The following TENM4 variants were observed in gnomAD, a reference collection of about 807,000 sequenced individuals.
TENM4 encodes teneurin-4.
A neutral mutation model predicts 243.3 loss-of-function variants in TENM4; 82 were observed. The observed-to-expected ratio is 0.34, with a 90% CI of 0.28 to 0.40. The LOEUF is 0.40. TENM4 is among the 10% of genes least tolerant of loss of function. The pLI is 1.00. For synonymous variants in TENM4, 1,412 were observed against 1,456.3 expected (o/e 0.97, Z 0.69); for missense variants, 3,138 against 3,673.3 (o/e 0.85, Z 3.77).
chr11:79,041,777 C>G (rs919254362), intron 6 of TENM4, among the ~76,000 whole-genome samples: 2 of 152,156 alleles, frequency 1.3e-5, no homozygotes, highest in Non-Finnish European at 2.9e-5. Flanking sequence ...AATGAAAGTA[C>G]TATTTATGTT....
chr11:79,117,615 C>T (rs1230716202), intron 4 of TENM4, among the ~76,000 whole-genome samples: 1 of 152,190 alleles, frequency 6.6e-6, no homozygotes, highest in Non-Finnish European at 1.5e-5. Flanking sequence ...AAATGATGTT[C>T]AAGCCAGTTC....
Position 78,903,393 on chromosome 11 carries a change from C to G in TENM4, c.624G>C (p.Arg208Ser). The G allele has an allele frequency of 6.5e-7, 1 of 1,535,192 alleles. No homozygotes were observed. The highest frequency in any genetic ancestry group is 8.8e-7 in the Non-Finnish European group (1 of 1,138,792). ...NSLNRGNFTP[R>S]SNPSPAPTDH... ...CCGTGGGGGCCGGGCTGGGGTTGCT[C>G]CTCGGCGTGAAGTTGCCCCGGTTCA... Residue 208 changes from arginine to serine, a missense_variant, in exon 7 of 34, where the codon AGG becomes AGC. Transcript: ENST00000278550.
intron 3 of TENM4, among the ~76,000 whole-genome samples, chr11:79,152,073 A>G (rs911344863): frequency 6.6e-6 from 1 of 152,164 alleles, no homozygotes; most frequent in Admixed American, 6.5e-5. Flanking sequence ...CGTGCTAAAT[A>G]AACATAAAAT....
At chr11:79,231,012 A>G (rs1403880878) in intron 2 of TENM4, among the ~76,000 whole-genome samples, 1 of 152,192 alleles carries the variant, frequency 6.6e-6, no homozygotes, top group East Asian at 1.9e-4. Context: ...TTACCTGGGG[A>G]AACCCACTTC....
At chr11:78,781,546 C>G (rs146322068) in intron 16 of TENM4, among the ~76,000 whole-genome samples, 38 of 152,302 alleles carry the variant, frequency 2.5e-4, no homozygotes, top group African/African-American at 8.7e-4. Flanking sequence ...CTTTCCTTGA[C>G]TTGCCTCTAC....
intron 3 of TENM4, among the ~76,000 whole-genome samples, chr11:79,196,141 A>G (rs898134909): frequency 1.3e-5 from 2 of 152,118 alleles, no homozygotes; most frequent in African/African-American, 2.4e-5. Context: ...ATGTGGAACT[A>G]TAAGTCCTGT....
chr11:78,958,980 G>A (rs181427100), intron 6 of TENM4, among the ~76,000 whole-genome samples: 2 of 152,314 alleles, frequency 1.3e-5, no homozygotes, highest in East Asian at 3.9e-4. Flanking sequence ...AACCTTGGAA[G>A]GTTTTCTCCC....
chr11:79,085,252 C>T (rs554109523), intron 4 of TENM4, among the ~76,000 whole-genome samples: 1 of 151,726 alleles, frequency 6.6e-6, no homozygotes, highest in Admixed American at 6.6e-5. Context: ...TGGCGGGCAC[C>T]TGTAGTTCCA....
In TENM4 at chr11:78,657,380, T is replaced by C. The variant is rs1857922097; in HGVS notation, c.*678A>G. The stretch of plus-strand genomic sequence containing the variant: ...AGGATTTGCAAAAGTGGTAGGGGGT[T>C]TCATTCAGCATCAAAATAGAAAGCT... On this transcript the variant is annotated 3_prime_UTR_variant, in exon 34 of 34. Transcript: ENST00000278550. 2.5e-6 allele frequency: 1 copy of C among 396,862 alleles called. No individual in the cohort carries two copies. Among genetic ancestry groups the C allele is most frequent in the Non-Finnish European group, 4.4e-6 (1 of 225,694 alleles). 24.6% of individuals were successfully genotyped at this position (396,862 alleles called of 1,614,324 possible).
intron 12 of TENM4, among the ~76,000 whole-genome samples, chr11:78,822,753 AAAC>A (rs1453308306): frequency 6.6e-6 from 1 of 152,216 alleles, no homozygotes; most frequent in Non-Finnish European, 1.5e-5. Context: ...AAAAAAAGAA[AAAC>A]AATAGACAAG....
chr11:78,785,506 C>T (rs1031033184), intron 16 of TENM4, among the ~76,000 whole-genome samples: 4 of 152,132 alleles, frequency 2.6e-5, no homozygotes, highest in African/African-American at 7.2e-5. Context: ...TGTCAAATTC[C>T]TGCTCTACCT....
chr11:78,851,607 C>A (rs1158563522), intron 12 of TENM4, among the ~76,000 whole-genome samples: 1 of 151,944 alleles, frequency 6.6e-6, no homozygotes, highest in Non-Finnish European at 1.5e-5. Flanking sequence ...TCTCTGTAAA[C>A]CACGCTTAAG....
chr11:78,947,130 G>T (rs551483070), intron 6 of TENM4, among the ~76,000 whole-genome samples: 1 of 152,310 alleles, frequency 6.6e-6, no homozygotes, highest in African/African-American at 2.4e-5. Flanking sequence ...TTCAGGAAAG[G>T]AAGAATCGAT....
chr11:79,050,429 G>T (rs769918458), intron 6 of TENM4, among the ~76,000 whole-genome samples: 20 of 152,086 alleles, frequency 1.3e-4, no homozygotes, highest in Non-Finnish European at 1.9e-4. Flanking sequence ...AGAGAGAGAC[G>T]CCTGGAGGCA....
intron 1 of TENM4, among the ~76,000 whole-genome samples, chr11:79,429,420 G>A (rs971026967): frequency 6.6e-6 from 1 of 152,176 alleles, no homozygotes; most frequent in Admixed American, 6.5e-5. Flanking sequence ...GCAGCTGAGA[G>A]GTGGGGAGAT....
intron 4 of TENM4, among the ~76,000 whole-genome samples, chr11:79,142,161 C>T (rs1242480599): frequency 1.3e-5 from 2 of 151,972 alleles, no homozygotes; most frequent in African/African-American, 2.4e-5. Context: ...AAATAAAGGG[C>T]ATCCAAATTG....
intron 12 of TENM4, among the ~76,000 whole-genome samples, chr11:78,844,105 A>G (rs188559304): frequency 1.1e-3 from 165 of 152,248 alleles, no homozygotes; most frequent in Non-Finnish European, 1.7e-3. Context: ...CTGTTTCCTC[A>G]TCTTTAAAAT....
At chr11:78,936,376 A>G (rs1856784440) in intron 6 of TENM4, among the ~76,000 whole-genome samples, 1 of 152,222 alleles carries the variant, frequency 6.6e-6, no homozygotes, top group Non-Finnish European at 1.5e-5. Context: ...TATTGAAAGA[A>G]AGGCAAAAGA....
At chr11:79,017,516 C>G (rs1425275367) in intron 6 of TENM4, among the ~76,000 whole-genome samples, 1 of 151,632 alleles carries the variant, frequency 6.6e-6, no homozygotes, top group African/African-American at 2.4e-5. Flanking sequence ...AGAAAGAAAC[C>G]CTGAGAGGAT....
Sources: gnomAD v4.1 joint callset for allele counts (sites outside exome capture counted in the v4.1 genomes callset) on GRCh38, gnomAD v4.1.1 for gene constraint, MANE v1.5 for transcripts, NCBI Gene and HGNC (gene_info 2026-07-23, HGNC 2026-07-21) for gene names.